AATK: variants seen among roughly 807,000 people sequenced by gnomAD.
AATK encodes lemur tail kinase 1, also known as serine/threonine-protein kinase LMTK1.
In AATK, 91 loss-of-function variants were observed where a neutral mutation model predicts 114.3. The ratio of observed to expected loss-of-function variants is 0.80; its 90% confidence interval spans 0.67 to 0.95. The LOEUF (loss-of-function observed/expected upper bound fraction) is 0.95. AATK is among the 40% of genes least tolerant of loss of function. The pLI, the probability that AATK is intolerant of heterozygous loss-of-function variation, is 0.00. For missense variants in AATK, 2,176 were observed against 1,965.2 expected, an observed-to-expected ratio of 1.11 and a Z score of -2.03; for synonymous variants, 1,075 against 916.5, an observed-to-expected ratio of 1.17 and a Z score of -3.12.
At chr17:81,128,355 G>A in intron 4 of AATK, 115 bp downstream of exon 4, 2 of 1,305,796 alleles carry the variant, frequency 1.5e-6, no homozygotes, top group Non-Finnish European at 2.1e-6. Flanking sequence ...GCAGGGCCCA[G>A]AGACTGAAGA....
chr17:81,150,408 G>T (rs1285556031), intron 1 of AATK, among the ~76,000 whole-genome samples: 3 of 114,250 alleles, frequency 2.6e-5, no homozygotes, highest in African/African-American at 1.1e-4. Context: ...CCATCCTAGG[G>T]CTCCCCCTGA....
intron 13 of AATK, 138 bp downstream of exon 13, chr17:81,119,242 G>GAGCGGGGCCGGGAAGA (rs1175014169): frequency 4.4e-6 from 1 of 228,462 alleles, no homozygotes; most frequent in African/African-American, 4.2e-5. Context: ...GGCCGGGAAG[G>GAGCGGGGCCGGGAAGA]AGCGGGGCCG....
intron 2 of AATK, chr17:81,133,450 G>GA (rs1377498523): frequency 9.5e-6 from 3 of 316,452 alleles, no homozygotes; most frequent in Non-Finnish European, 1.9e-5. Context: ...ATACAGACAG[G>GA]GTGCTGTGCG....
chr17:81,145,733 C>CA (rs11332251), intron 1 of AATK, among the ~76,000 whole-genome samples: 186 of 71,072 alleles, frequency 2.6e-3, no homozygotes, highest in African/African-American at 5.7e-3. Flanking sequence ...AACTCCATCT[C>CA]AAAAAAAAAA....
rs867100814 is a variant in AATK at position 81,125,477 on chromosome 17, C to T, written c.756-463G>A. The T allele has an allele frequency of 2.5e-5, 9 of 366,870 alleles. 2 individuals are homozygous for T. In the Middle Eastern group the frequency reaches 3.5e-3, roughly 143 times the overall value. 22.7% of individuals were successfully genotyped at this position (366,870 alleles called of 1,614,324 possible). A position where few individuals can be genotyped will look rare whatever the true frequency, so the allele number is the denominator to read the frequency against. ...CCGGAGTCCAGTTTTAGGGTCCAGC[C>T]CTGCCATGCCCACTCAGAGCTGGAG... On this transcript the variant is annotated intron_variant, in intron 7 of 13. Coordinates refer to ENST00000326724, the MANE Select transcript of AATK (RefSeq NM_001080395.3).
chr17:81,150,446 C>T (rs79746573), intron 1 of AATK, among the ~76,000 whole-genome samples: 1 of 147,590 alleles, frequency 6.8e-6, no homozygotes, highest in East Asian at 2.0e-4. Context: ...TCCTACTCCT[C>T]AGTACCCCCG....
chr17:81,122,937 T>C (rs2060719238), intron 10 of AATK, 114 bp from the exon 11 acceptor site: 2 of 1,058,306 alleles, frequency 1.9e-6, no homozygotes, highest in Non-Finnish European at 2.6e-6. Context: ...ATTAAGGGTA[T>C]CTCCCACTTA....
At chr17:81,125,977 C>T (rs1041187717) in intron 7 of AATK, 7 of 477,758 alleles carry the variant, frequency 1.5e-5, no homozygotes, top group Non-Finnish European at 1.7e-5. Flanking sequence ...CTGGGGCTGA[C>T]GGGGCCACGT....
At chr17:81,155,511 C>T (rs1471329145) in intron 1 of AATK, among the ~76,000 whole-genome samples, 3 of 152,158 alleles carry the variant, frequency 2.0e-5, no homozygotes, top group East Asian at 3.9e-4. Flanking sequence ...CTCAGCCTCC[C>T]GAGCAGCTGG....
At chr17:81,119,647 AGTC>A in intron 12 of AATK, 67 bp from the exon 13 acceptor site, 5 of 1,306,918 alleles carry the variant, frequency 3.8e-6, no homozygotes, top group Non-Finnish European at 5.1e-6. Context: ...CCGCTCCCAC[AGTC>A]ACGGGCCCAG....
intron 3 of AATK, among the ~76,000 whole-genome samples, chr17:81,129,513 C>T (rs73367968): frequency 0.016 from 2,508 of 152,284 alleles, 72 homozygotes; most frequent in African/African-American, 0.057. Context: ...GGTTTCTCCC[C>T]GCTGACCTCT....
In AATK at chr17:81,125,233, A is replaced by C. The variant is rs746805121; in HGVS notation, c.756-219T>G. 6 of 695,046 alleles carry C rather than the reference A, an allele frequency of 8.6e-6. No individual in the cohort carries two copies. In the East Asian group the frequency reaches 1.5e-4, roughly 18 times the overall value. The allele number at this position is 695,046 out of a possible 1,614,324, so 43.1% of individuals were successfully genotyped here. On this transcript the variant is annotated intron_variant, in intron 7 of 13. Transcript: ENST00000326724. ...GCCCTACTCTGTGCCCAACCCTGAGACCTGGGGAGGGACTGTGTGCGTGGG... is the reference window on the plus strand; with the variant it reads ...GCCCTACTCTGTGCCCAACCCTGAGCCCTGGGGAGGGACTGTGTGCGTGGG...
At chr17:81,132,065 G>C in intron 2 of AATK, 7 of 1,269,270 alleles carry the variant, frequency 5.5e-6, no homozygotes, top group Non-Finnish European at 7.3e-6. Context: ...CTGTATAGGG[G>C]ATACCCCACC....
In AATK at chr17:81,121,264, C is replaced by G; in HGVS notation, c.2672G>C (p.Arg891Pro). The change falls in exon 11 of 14, where the codon CGC becomes CCC. Residue 891 changes from arginine to proline, a missense_variant. By Grantham distance (103) the Arg-to-Pro change is moderately radical (BLOSUM62 -2). Transcript: ENST00000326724. ...ARRPDVVPAFRSLQKQVGTPD... is the reference protein window; with the variant it reads ...ARRPDVVPAFPSLQKQVGTPD... ...GGTCCCCACCTGCTTCTGCAGAGAGCGGAAGGCTGGCACCACATCCGGCCT... is the reference window on the plus strand; with the variant it reads ...GGTCCCCACCTGCTTCTGCAGAGAGGGGAAGGCTGGCACCACATCCGGCCT... The G allele has an allele frequency of 6.2e-7, 1 of 1,610,256 alleles. No homozygotes were observed. The highest frequency in any genetic ancestry group is 8.5e-7 in the Non-Finnish European group (1 of 1,178,958).
chr17:81,141,464 G>A lies in AATK; in HGVS notation c.56-6963C>T, dbSNP rs377021537. 3.0e-3 allele frequency among the ~76,000 whole-genome samples: 450 copies of A among 152,300 alleles called. 6 individuals carry two copies. The highest frequency in any genetic ancestry group is 0.023 in the South Asian group (112 of 4,828). ...TCTGTCCCCCCCAAAAGAAAAGAAA[G>A]TAAGTGACTTTCAATTTCTGACTTC... On this transcript the variant is annotated intron_variant, in intron 1 of 13. Coordinates refer to ENST00000326724, the MANE Select transcript of AATK (RefSeq NM_001080395.3).
At position 81,126,614 on chromosome 17, in the gene AATK, G is replaced by C; in HGVS notation, c.622-54C>G. On this transcript the variant is annotated intron_variant, in intron 6 of 13. Coordinates refer to ENST00000326724, the MANE Select transcript of AATK (RefSeq NM_001080395.3). The surrounding 1 kb of genome is among the most constrained non-coding windows in gnomAD (Gnocchi z 5.1). ...CAGCAGGCTGGGGGCTGGCCACCCT[G>C]GGAGGTCCCCACCTACCTCCCCAAC... 2.0e-6 allele frequency: 3 copies of C among 1,511,256 alleles called. No homozygotes were observed. The highest frequency in any genetic ancestry group is 2.7e-6 in the Non-Finnish European group (3 of 1,121,834). 93.6% of individuals were successfully genotyped at this position (1,511,256 alleles called of 1,614,324 possible).
chr17:81,146,251 C>T (rs1259526738), intron 1 of AATK, among the ~76,000 whole-genome samples: 1 of 151,348 alleles, frequency 6.6e-6, no homozygotes, highest in East Asian at 1.9e-4. Context: ...GTCCCAGCTA[C>T]TCAGGAGGCC....
intron 1 of AATK, among the ~76,000 whole-genome samples, chr17:81,147,265 G>T (rs1304261566): frequency 6.6e-6 from 1 of 151,440 alleles, no homozygotes; most frequent in East Asian, 1.9e-4. Flanking sequence ...GGAGGCTGAG[G>T]CAGGAGAATC....
At chr17:81,128,692 C>T in intron 3 of AATK, 143 bp from the exon 4 acceptor site, 2 of 1,466,764 alleles carry the variant, frequency 1.4e-6, no homozygotes, top group South Asian at 2.7e-5. Flanking sequence ...ACCTTGGGGC[C>T]ACCATCAGGA....
Sources: gnomAD v4.1 joint callset for allele counts (sites outside exome capture counted in the v4.1 genomes callset) on GRCh38, gnomAD v4.1.1 for gene constraint, Gnocchi (gnomAD v3.1) non-coding constraint, MANE v1.5 for transcripts, NCBI Gene and HGNC (gene_info 2026-07-23, HGNC 2026-07-21) for gene names.